The following SEZ6L variants were observed in gnomAD, a reference collection of about 807,000 sequenced individuals.
The protein encoded by SEZ6L is seizure 6-like protein.
Under a neutral mutation model 106.2 loss-of-function variants are expected in SEZ6L, and 37 were observed. The ratio of observed to expected loss-of-function variants is 0.35; its 90% CI spans 0.27 to 0.46. The LOEUF (loss-of-function observed/expected upper bound fraction) is 0.46, where lower values mean the gene tolerates loss of function less well. Ranked by LOEUF, SEZ6L falls within the 20% of genes least tolerant of loss-of-function variation. SEZ6L has a pLI of 1.00. For missense variants in SEZ6L, 1,172 were observed against 1,332.8 expected, an observed-to-expected ratio of 0.88 and a Z score of 1.88; for synonymous variants, 541 against 570.4, an observed-to-expected ratio of 0.95 and a Z score of 0.73.
intron 1 of SEZ6L, among the ~76,000 whole-genome samples, chr22:26,262,512 T>G (rs1195592522): frequency 6.6e-6 from 1 of 152,238 alleles, no homozygotes; most frequent in Non-Finnish European, 1.5e-5. Context: ...TGTGCCCATA[T>G]TGCAGCTGCT....
chr22:26,172,571 A>G (rs760758773), intron 1 of SEZ6L, among the ~76,000 whole-genome samples: 3 of 151,916 alleles, frequency 2.0e-5, no homozygotes, highest in Non-Finnish European at 2.9e-5. Context: ...TACTGTGCAG[A>G]CCTCCACTAG....
chr22:26,194,889 T>A (rs1940476627), intron 1 of SEZ6L, among the ~76,000 whole-genome samples: 1 of 152,202 alleles, frequency 6.6e-6, no homozygotes, highest in African/African-American at 2.4e-5. Context: ...GCCCAGCAAA[T>A]GGTGTAGTTC....
chr22:26,329,563 C>G (rs2082419197), intron 9 of SEZ6L, among the ~76,000 whole-genome samples: 1 of 152,248 alleles, frequency 6.6e-6, no homozygotes, highest in South Asian at 2.1e-4. Context: ...CTCCCTGGAG[C>G]TGACATGGTT....
chr22:26,371,744 T>C (rs1360002222), intron 13 of SEZ6L, among the ~76,000 whole-genome samples: 1 of 151,890 alleles, frequency 6.6e-6, no homozygotes, highest in African/African-American at 2.4e-5. Flanking sequence ...TTCTATGGGC[T>C]AGTATCTCTA....
At chr22:26,308,252 A>G (rs968268371) in intron 6 of SEZ6L, among the ~76,000 whole-genome samples, 2 of 150,668 alleles carry the variant, frequency 1.3e-5, no homozygotes, top group African/African-American at 5.0e-5. Context: ...TGGATCCAAA[A>G]ATACAGAGGG....
chr22:26,348,642 AAGAAAAAG>A (rs1202446969), intron 11 of SEZ6L, among the ~76,000 whole-genome samples: 229 of 31,018 alleles, frequency 7.4e-3, no homozygotes, highest in Middle Eastern at 0.016. Context: ...GAAAGAAAGA[AAGAAAAAG>A]AAAGAAAGAA....
intron 1 of SEZ6L, among the ~76,000 whole-genome samples, chr22:26,199,427 G>A (rs1273109985): frequency 2.0e-5 from 3 of 152,068 alleles, no homozygotes; most frequent in Admixed American, 2.0e-4. Context: ...CTATTCATCC[G>A]AGAGAAAACC....
intron 6 of SEZ6L, among the ~76,000 whole-genome samples, chr22:26,307,332 T>C (rs549992531): frequency 6.6e-6 from 1 of 152,236 alleles, no homozygotes; most frequent in East Asian, 1.9e-4. Flanking sequence ...TAGGAGAGGG[T>C]AGGGCACTGG....
At chr22:26,234,648 A>G (rs948708583) in intron 1 of SEZ6L, among the ~76,000 whole-genome samples, 13 of 152,158 alleles carry the variant, frequency 8.5e-5, no homozygotes, top group African/African-American at 2.9e-4. Flanking sequence ...AGGTGGGGAA[A>G]CCCAACTGCT....
At chr22:26,283,094 G>A (rs899153775) in intron 1 of SEZ6L, among the ~76,000 whole-genome samples, 3 of 151,948 alleles carry the variant, frequency 2.0e-5, no homozygotes, top group Non-Finnish European at 4.4e-5. Context: ...GCTAATTTTT[G>A]TATTTTTAGT....
At chr22:26,340,318 C>T (rs1220934446) in intron 9 of SEZ6L, 118 bp from the exon 10 acceptor site, 6 of 890,730 alleles carry the variant, frequency 6.7e-6, no homozygotes, top group South Asian at 6.6e-5. Flanking sequence ...GACACATAGC[C>T]TGGAGCCTGA....
intron 1 of SEZ6L, among the ~76,000 whole-genome samples, chr22:26,208,245 C>A (rs1941390935): frequency 1.3e-5 from 2 of 152,124 alleles, no homozygotes; most frequent in Admixed American, 1.3e-4. Flanking sequence ...GAAACTGAGA[C>A]AAAACATTAG....
chr22:26,211,515 A>G (rs2078156801), intron 1 of SEZ6L, among the ~76,000 whole-genome samples: 1 of 152,200 alleles, frequency 6.6e-6, no homozygotes, highest in South Asian at 2.1e-4. Flanking sequence ...TGGAGCTGCA[A>G]CAATAGCTCT....
chr22:26,176,673 G>A (rs2123766559), intron 1 of SEZ6L, among the ~76,000 whole-genome samples: 1 of 152,292 alleles, frequency 6.6e-6, no homozygotes, highest in South Asian at 2.1e-4. Context: ...TATAAAATGA[G>A]AGGATTAGAT....
rs2207607 is a variant in SEZ6L, at chr22:26,232,023, A to T, written c.95-60383A>T. Among the ~76,000 whole-genome samples, 5 of 152,076 alleles carry T rather than the reference A, an allele frequency of 3.3e-5. No homozygotes were observed. In the East Asian group the frequency reaches 5.8e-4, roughly 18 times the overall value. On this transcript the variant is annotated intron_variant, in intron 1 of 16. Coordinates refer to ENST00000248933, the MANE Select transcript of SEZ6L (RefSeq NM_021115.5). ...TGCAACAGACCTGGGTTTGAATGCAAGCTCCACCACCTACTTGGTCCGTCA... is the reference window on the plus strand; with the variant it reads ...TGCAACAGACCTGGGTTTGAATGCATGCTCCACCACCTACTTGGTCCGTCA...
intron 9 of SEZ6L, among the ~76,000 whole-genome samples, chr22:26,332,523 T>G (rs2082518449): frequency 6.6e-6 from 1 of 151,852 alleles, no homozygotes; most frequent in Non-Finnish European, 1.5e-5. Context: ...CAAAGCTTAC[T>G]GCAGCCTCAA....
chr22:26,308,426 G>C (rs1016197412), intron 6 of SEZ6L, among the ~76,000 whole-genome samples: 2 of 150,598 alleles, frequency 1.3e-5, no homozygotes, highest in Non-Finnish European at 2.9e-5. Flanking sequence ...TGAATGCCAG[G>C]CTACTTTTAT....
At chr22:26,371,924 A>G (rs1321273848) in intron 13 of SEZ6L, among the ~76,000 whole-genome samples, 1 of 152,162 alleles carries the variant, frequency 6.6e-6, no homozygotes, top group Non-Finnish European at 1.5e-5. Flanking sequence ...CTTCCTCCTC[A>G]GAAAAAAACT....
chr22:26,363,986 TG>T (rs1319148393), intron 12 of SEZ6L, among the ~76,000 whole-genome samples: 1 of 152,168 alleles, frequency 6.6e-6, no homozygotes, highest in South Asian at 2.1e-4. Context: ...GAAAGTAGAA[TG>T]GTGGATCCCA....
Sources: allele counts gnomAD v4.1 joint callset (sites outside exome capture counted in the v4.1 genomes callset), GRCh38; gene constraint gnomAD v4.1.1; transcripts MANE v1.5; gene names NCBI Gene and HGNC (gene_info 2026-07-23, HGNC 2026-07-21).